The following RAB9A variants were observed in gnomAD, a reference collection of about 807,000 sequenced individuals.
RAB9A encodes RAB9A, member RAS oncogene family.
RAB9A carries 1 observed loss-of-function variant against 10.3 expected under a neutral mutation model. The ratio of observed to expected loss-of-function variants is 0.10; its 90% CI spans 0.03 to 0.46. RAB9A has a LOEUF of 0.46. RAB9A is among the 20% of genes least tolerant of loss of function. The pLI, the probability that RAB9A is intolerant of heterozygous loss-of-function variation, is 0.96. For synonymous variants in RAB9A, 39 were observed against 55.2 expected (o/e 0.71, Z 1.30); for missense variants, 92 against 150.3 (o/e 0.61, Z 2.03).
At chrX:13,697,672 G>GA (rs1302873399) in intron 1 of RAB9A, among the ~76,000 whole-genome samples, 3 of 112,048 alleles carry the variant, frequency 2.7e-5, no homozygotes, top group Non-Finnish European at 5.6e-5. Context: ...GCTAAAGACA[G>GA]AAACTCTTGA....
chrX:13,690,604 CTT>C (rs761882873), intron 1 of RAB9A, among the ~76,000 whole-genome samples: 60 of 111,756 alleles, frequency 5.4e-4, no homozygotes, highest in African/African-American at 1.3e-3. Flanking sequence ...TCTCTCATCT[CTT>C]TTTGTTTCTA....
At chrX:13,695,789 A>G (rs1281870641) in intron 1 of RAB9A, among the ~76,000 whole-genome samples, 3 of 111,665 alleles carry the variant, frequency 2.7e-5, no homozygotes, top group African/African-American at 9.8e-5. Flanking sequence ...TTTATAGCCC[A>G]GGGAGATACC....
intron 1 of RAB9A, among the ~76,000 whole-genome samples, chrX:13,690,907 G>T (rs757877917): frequency 5.4e-5 from 6 of 110,614 alleles, no homozygotes; most frequent in African/African-American, 2.0e-4. Context: ...GTGGAGCGGG[G>T]ATTCAAAGCA....
chrX:13,701,496 C>A (rs768244863), intron 1 of RAB9A, among the ~76,000 whole-genome samples: 13 of 111,337 alleles, frequency 1.2e-4, no homozygotes, highest in African/African-American at 4.2e-4. Context: ...TTGGTGCAAT[C>A]TAAAACATTG....
At chrX:13,707,498 G>C (rs977351861) in intron 2 of RAB9A, among the ~76,000 whole-genome samples, 18 of 111,649 alleles carry the variant, frequency 1.6e-4, no homozygotes, top group African/African-American at 4.9e-4. Context: ...TAAGCAGAAG[G>C]ATTAACCAGG....
chrX:13,700,304 G>A (rs1385240371), intron 1 of RAB9A, among the ~76,000 whole-genome samples: 2 of 111,693 alleles, frequency 1.8e-5, no homozygotes, highest in African/African-American at 6.5e-5. Flanking sequence ...CTTCCCCTTG[G>A]TTTATTGTAG....
intron 1 of RAB9A, among the ~76,000 whole-genome samples, chrX:13,701,414 T>G (rs903510811): frequency 1.3e-4 from 15 of 111,966 alleles, no homozygotes; most frequent in Non-Finnish European, 1.3e-4. Context: ...TATTTATCCA[T>G]TCATTAATTG....
At chrX:13,700,559 C>T (rs1162852117) in intron 1 of RAB9A, among the ~76,000 whole-genome samples, 2 of 111,485 alleles carry the variant, frequency 1.8e-5, no homozygotes, top group East Asian at 5.6e-4. Context: ...ACTTTACATT[C>T]GGATTAGTGT....
At chrX:13,698,181 CTTTTTTTTCTTTTTTTTTTT>C (rs775327325) in intron 1 of RAB9A, among the ~76,000 whole-genome samples, 27 of 76,743 alleles carry the variant, frequency 3.5e-4, no homozygotes, top group Admixed American at 7.2e-4. Flanking sequence ...TCTTCTTTTT[CTTTTTTTTCTTTTTTTTTTT>C]TTTTTTTTTT....
chrX:13,705,431 T>G (rs1420476909), intron 2 of RAB9A, among the ~76,000 whole-genome samples: 2 of 112,055 alleles, frequency 1.8e-5, no homozygotes, highest in East Asian at 5.5e-4. Context: ...CAAATTCATT[T>G]GGTCAGAATG....
intron 1 of RAB9A, among the ~76,000 whole-genome samples, chrX:13,698,811 G>C (rs1426315185): frequency 1.8e-5 from 2 of 111,149 alleles, no homozygotes; most frequent in Non-Finnish European, 3.8e-5. Context: ...TACAGCTCCA[G>C]CAAAAATAGA....
intron 1 of RAB9A, among the ~76,000 whole-genome samples, chrX:13,692,592 T>A (rs2046131022): frequency 8.9e-6 from 1 of 112,157 alleles, no homozygotes; most frequent in African/African-American, 3.2e-5. Context: ...TTTAATGGCT[T>A]TTCCATAACT....
intron 1 of RAB9A, among the ~76,000 whole-genome samples, chrX:13,691,033 A>T (rs557491963): frequency 9.0e-6 from 1 of 111,634 alleles, no homozygotes; most frequent in South Asian, 3.7e-4. Context: ...GGGGCAAGGG[A>T]GGTGCTGCTG....
At chrX:13,690,102 G>A (rs1343219188) in intron 1 of RAB9A, among the ~76,000 whole-genome samples, 3 of 110,380 alleles carry the variant, frequency 2.7e-5, no homozygotes, top group Non-Finnish European at 5.7e-5. Flanking sequence ...AAAAATCAAT[G>A]GGCAGAATTT....
At chrX:13,704,324 T>C (rs1440134746) in intron 2 of RAB9A, among the ~76,000 whole-genome samples, 1 of 112,165 alleles carries the variant, frequency 8.9e-6, no homozygotes, top group Non-Finnish European at 1.9e-5. Flanking sequence ...TGAAAAACTT[T>C]TTGAAAAATG....
intron 1 of RAB9A, among the ~76,000 whole-genome samples, chrX:13,700,279 T>C (rs1042761466): frequency 1.8e-5 from 2 of 111,934 alleles, no homozygotes; most frequent in African/African-American, 3.3e-5. Flanking sequence ...TGCTTGGACC[T>C]TGAGGCTTTC....
intron 1 of RAB9A, among the ~76,000 whole-genome samples, chrX:13,692,790 G>A (rs981551190): frequency 4.5e-5 from 5 of 111,815 alleles, no homozygotes; most frequent in African/African-American, 1.6e-4. Context: ...AATCAACATG[G>A]CATCTTTTTG....
chrX:13,698,459 G>A (rs2046158614), intron 1 of RAB9A, among the ~76,000 whole-genome samples: 1 of 110,703 alleles, frequency 9.0e-6, no homozygotes, highest in African/African-American at 3.3e-5. Context: ...TGTTCTTGAG[G>A]TAATGCTCAG....
At chrX:13,703,996 A>G (rs1432411824) in intron 2 of RAB9A, 94 bp downstream of exon 2, 1 of 111,870 alleles carries the variant, frequency 8.9e-6, no homozygotes, top group Non-Finnish European at 1.9e-5. Context: ...TGCCAGGAAG[A>G]AGTTTTCTTT....
Sources: gnomAD v4.1 joint callset for allele counts (sites outside exome capture counted in the v4.1 genomes callset) on GRCh38, gnomAD v4.1.1 for gene constraint, MANE v1.5 for transcripts, NCBI Gene and HGNC (gene_info 2026-07-23, HGNC 2026-07-21) for gene names.